PLPP1: variants seen among roughly 807,000 people sequenced by gnomAD.
The protein encoded by PLPP1 is lipid phosphate phosphohydrolase 1a.
Under a neutral mutation model 31.2 loss-of-function variants are expected in PLPP1, and 24 were observed. That is an observed-to-expected ratio of 0.77 (90% CI 0.56 to 1.08). The LOEUF is 1.08. Among genes scored for constraint, PLPP1 ranks in the 50% least tolerant of loss-of-function variants. The probability of loss-of-function intolerance (pLI) is 0.00; values close to 1 mark genes in which losing one functional copy is unlikely to be tolerated. For missense variants in PLPP1, 319 were observed against 342.7 expected (o/e 0.93, Z 0.55); for synonymous variants, 146 against 126.3 (o/e 1.16, Z -1.05).
intron 1 of PLPP1, chr5:55,530,671 G>T (rs998218947): frequency 6.7e-5 from 107 of 1,599,404 alleles, no homozygotes; most frequent in Non-Finnish European, 8.8e-5. Flanking sequence ...ATATTTTCAA[G>T]GTCTAAGGCC....
chr5:55,502,835 C>G (rs1364736652), intron 1 of PLPP1, among the ~76,000 whole-genome samples: 1 of 151,960 alleles, frequency 6.6e-6, no homozygotes, highest in Non-Finnish European at 1.5e-5. Flanking sequence ...GAAAAAAAAA[C>G]TCCCCCACGT....
intron 2 of PLPP1, among the ~76,000 whole-genome samples, chr5:55,469,252 C>G (rs1752368674): frequency 6.6e-6 from 1 of 152,008 alleles, no homozygotes. Context: ...CTTTGGGAGG[C>G]CGAGGCAGGT....
intron 1 of PLPP1, among the ~76,000 whole-genome samples, chr5:55,504,215 A>T (rs1284349635): frequency 6.6e-6 from 1 of 151,830 alleles, no homozygotes; most frequent in African/African-American, 2.4e-5. Flanking sequence ...CTAATAATAC[A>T]AAAATTAGCC....
intron 3 of PLPP1, among the ~76,000 whole-genome samples, chr5:55,466,425 G>C (rs186717883): frequency 1.7e-4 from 26 of 152,058 alleles, no homozygotes; most frequent in Admixed American, 1.0e-3. Flanking sequence ...GCTACTGGCC[G>C]GGTGCCATGG....
intron 1 of PLPP1, chr5:55,530,299 C>G (rs1443286389): frequency 6.7e-7 from 1 of 1,501,474 alleles, no homozygotes; most frequent in Non-Finnish European, 9.3e-7. Context: ...TGGCTAGGAT[C>G]TCCCCAAGGA....
chr5:55,517,980 G>A (rs1753587308), intron 1 of PLPP1, among the ~76,000 whole-genome samples: 1 of 152,324 alleles, frequency 6.6e-6, no homozygotes, highest in South Asian at 2.1e-4. Flanking sequence ...CTGAGCAGCT[G>A]GGATTATAGG....
chr5:55,475,726 A>T (rs1752535611), intron 1 of PLPP1, among the ~76,000 whole-genome samples: 1 of 152,246 alleles, frequency 6.6e-6, no homozygotes, highest in South Asian at 2.1e-4. Context: ...GTCCAAACAC[A>T]CTAAATGGAT....
At chr5:55,458,063 T>C (rs963709149) in intron 3 of PLPP1, among the ~76,000 whole-genome samples, 5 of 152,128 alleles carry the variant, frequency 3.3e-5, no homozygotes, top group Admixed American at 6.6e-5. Context: ...TGGCATTTGG[T>C]GGAAAAGTAC....
intron 3 of PLPP1, among the ~76,000 whole-genome samples, chr5:55,443,192 A>AAAAAAAATAT: frequency 2.0e-4 from 5 of 25,446 alleles, no homozygotes; most frequent in Non-Finnish European, 3.4e-4. Context: ...AAAAAAAAAA[A>AAAAAAAATAT]ATATATATAT....
chr5:55,458,887 C>CCAAA (rs1752082619), intron 3 of PLPP1, among the ~76,000 whole-genome samples: 1 of 21,098 alleles, frequency 4.7e-5, no homozygotes, highest in Admixed American at 4.2e-4. Flanking sequence ...ACCCTGTCTC[C>CCAAA]AAAAAAAAAA....
At chr5:55,482,352 A>G (rs190343978) in intron 1 of PLPP1, among the ~76,000 whole-genome samples, 34 of 152,122 alleles carry the variant, frequency 2.2e-4, no homozygotes, top group African/African-American at 7.9e-4. Context: ...CACAGAGTTA[A>G]GCTGAATTTT....
At chr5:55,458,914 A>AAAAAAAAAAAC (rs1387046910) in intron 3 of PLPP1, among the ~76,000 whole-genome samples, 40 of 148,968 alleles carry the variant, frequency 2.7e-4, no homozygotes, top group Non-Finnish European at 5.1e-4. Context: ...AAAAAAAAAA[A>AAAAAAAAAAAC]AACACATAGC....
At chr5:55,449,412 A>G (rs1751847456) in intron 3 of PLPP1, among the ~76,000 whole-genome samples, 1 of 152,232 alleles carries the variant, frequency 6.6e-6, no homozygotes, top group Non-Finnish European at 1.5e-5. Context: ...TGCCTGCTAC[A>G]GATTTCTTAC....
chr5:55,458,867 A>G (rs1298165059), intron 3 of PLPP1, among the ~76,000 whole-genome samples: 4 of 141,022 alleles, frequency 2.8e-5, no homozygotes, highest in South Asian at 2.4e-4. Flanking sequence ...CAGTCTGGGC[A>G]ACAGAGGAGA....
chr5:55,459,808 C>CCT (rs981788207), intron 3 of PLPP1, among the ~76,000 whole-genome samples: 1 of 152,090 alleles, frequency 6.6e-6, no homozygotes. Flanking sequence ...GCCTTTCCTG[C>CCT]CTCCCTTCTA....
At chr5:55,447,997 A>G (rs1751805303) in intron 3 of PLPP1, among the ~76,000 whole-genome samples, 1 of 152,202 alleles carries the variant, frequency 6.6e-6, no homozygotes, top group African/African-American at 2.4e-5. Flanking sequence ...GATTAACCTG[A>G]AGTATAGCAT....
chr5:55,461,558 A>G (rs1204037217), intron 3 of PLPP1, among the ~76,000 whole-genome samples: 8 of 151,964 alleles, frequency 5.3e-5, no homozygotes. Context: ...ACAAAATCCA[A>G]TACCCATTCA....
chr5:55,471,495 C>T (rs540736629), intron 2 of PLPP1, among the ~76,000 whole-genome samples: 4 of 152,156 alleles, frequency 2.6e-5, no homozygotes, highest in Non-Finnish European at 4.4e-5. Flanking sequence ...CCACTGCACT[C>T]AGCCAGATCA....
At chr5:55,448,467 T>TTTGA (rs1751819228) in intron 3 of PLPP1, among the ~76,000 whole-genome samples, 1 of 150,840 alleles carries the variant, frequency 6.6e-6, no homozygotes, top group Non-Finnish European at 1.5e-5. Context: ...TTTTTTTTTT[T>TTTGA]GACAGAGTCT....
Sources: gnomAD v4.1 joint callset for allele counts (sites outside exome capture counted in the v4.1 genomes callset) on GRCh38, gnomAD v4.1.1 for gene constraint, MANE v1.5 for transcripts, NCBI Gene and HGNC (gene_info 2026-07-23, HGNC 2026-07-21) for gene names.